Variants in KALRN observed in about 807,000 individuals in gnomAD.
The protein encoded by KALRN is kalirin.
A neutral mutation model predicts 353.7 loss-of-function variants in KALRN; 70 were observed. The ratio of observed to expected loss-of-function variants is 0.20; its 90% CI spans 0.16 to 0.24. The LOEUF (loss-of-function observed/expected upper bound fraction) is 0.24. Ranked by LOEUF, KALRN falls within the 10% of genes least tolerant of loss-of-function variation. The probability of loss-of-function intolerance (pLI) is 1.00; values close to 1 mark genes in which losing one functional copy is unlikely to be tolerated. For synonymous variants in KALRN, 1,391 were observed against 1,434.8 expected, an observed-to-expected ratio of 0.97 and a Z score of 0.69; for missense variants, 2,791 against 3,756.7, an observed-to-expected ratio of 0.74 and a Z score of 6.72.
In KALRN at chr3:124,413,579, G is replaced by A. The variant is rs2150268120; in HGVS notation, c.2456G>A (p.Arg819Gln). 7 of 1,614,060 alleles carry A rather than the reference G, an allele frequency of 4.3e-6. No individual in the cohort carries two copies. The highest frequency in any genetic ancestry group is 5.1e-6 in the Non-Finnish European group (6 of 1,180,000). The change falls in exon 14 of 60, where the codon CGG becomes CAG. Residue 819 changes from arginine to glutamine, a missense_variant. Arg to Gln is a conservative substitution (Grantham distance 43, BLOSUM62 1). Transcript: ENST00000682506. ...CAGCGGCTGCAGCGCCACACAGAACGGAAGCTAGCCATGAACAACATGACC... is the reference window on the plus strand; with the variant it reads ...CAGCGGCTGCAGCGCCACACAGAACAGAAGCTAGCCATGAACAACATGACC... Reference protein sequence around the residue: ...AEQRLQRHTERKLAMNNMTFE... With the variant: ...AEQRLQRHTEQKLAMNNMTFE...
chr3:124,112,162 G>A (rs1415353163), intron 1 of KALRN, among the ~76,000 whole-genome samples: 1 of 152,046 alleles, frequency 6.6e-6, no homozygotes, highest in African/African-American at 2.4e-5. Context: ...AATTAGTCAG[G>A]TGCAGTGGTG....
intron 33 of KALRN, among the ~76,000 whole-genome samples, chr3:124,514,394 C>A (rs1459985923): frequency 1.3e-5 from 2 of 152,120 alleles, no homozygotes; most frequent in African/African-American, 2.4e-5. Flanking sequence ...ACAGGCCTTT[C>A]CCTAAGAAGT....
intron 1 of KALRN, among the ~76,000 whole-genome samples, chr3:124,196,345 T>C (rs550143293): frequency 6.6e-6 from 1 of 152,196 alleles, no homozygotes; most frequent in Admixed American, 6.5e-5. Flanking sequence ...ACAGATAATA[T>C]AATAATAATG....
intron 1 of KALRN, among the ~76,000 whole-genome samples, chr3:124,119,302 C>G (rs1260020592): frequency 6.6e-6 from 1 of 152,158 alleles, no homozygotes; most frequent in African/African-American, 2.4e-5. Context: ...AGACTGTTCC[C>G]AATGTCTTCA....
intron 23 of KALRN, among the ~76,000 whole-genome samples, chr3:124,458,928 C>A (rs1240189729): frequency 6.6e-6 from 1 of 151,886 alleles, no homozygotes; most frequent in Non-Finnish European, 1.5e-5. Flanking sequence ...AGCAAGAATC[C>A]ATCTCAAAAT....
chr3:124,404,168 AAG>A, intron 13 of KALRN, among the ~76,000 whole-genome samples: 1 of 149,016 alleles, frequency 6.7e-6, no homozygotes. Flanking sequence ...AAAAAAAAAA[AAG>A]AGAGAACTAG....
chr3:124,468,883 T>C (rs1157213860), intron 25 of KALRN, among the ~76,000 whole-genome samples: 2 of 152,248 alleles, frequency 1.3e-5, no homozygotes, highest in African/African-American at 4.8e-5. Context: ...CTTGTTACTG[T>C]TGTTTGTGTT....
chr3:124,069,565 G>A (rs1219127124), intron 1 of KALRN, among the ~76,000 whole-genome samples: 7 of 152,196 alleles, frequency 4.6e-5, no homozygotes, highest in African/African-American at 1.7e-4. Context: ...ATTTTTAGGT[G>A]TATAGCACAA....
chr3:124,274,440 A>G (rs955361112), intron 5 of KALRN, among the ~76,000 whole-genome samples: 1 of 152,304 alleles, frequency 6.6e-6, no homozygotes, highest in Admixed American at 6.5e-5. Context: ...ATCTTTATCT[A>G]CTTCATTTCT....
chr3:124,496,609 A>G (rs1446910935), intron 33 of KALRN, among the ~76,000 whole-genome samples, 196 bp downstream of exon 33: 3 of 152,136 alleles, frequency 2.0e-5, no homozygotes, highest in African/African-American at 7.2e-5. Context: ...GAGGGGATGG[A>G]AGACTGCGGT....
At chr3:124,683,481 T>C (rs887180322) in intron 51 of KALRN, among the ~76,000 whole-genome samples, 1 of 152,040 alleles carries the variant, frequency 6.6e-6, no homozygotes, top group South Asian at 2.1e-4. Flanking sequence ...CAGGATGGGG[T>C]TGAAAGTCCT....
chr3:124,423,365 G>A (rs984346374), intron 15 of KALRN, among the ~76,000 whole-genome samples: 1 of 152,198 alleles, frequency 6.6e-6, no homozygotes, highest in African/African-American at 2.4e-5. Flanking sequence ...TTGGGGCACT[G>A]TGTGCCTGAC....
At chr3:124,608,171 C>T (rs370876364) in intron 34 of KALRN, among the ~76,000 whole-genome samples, 1 of 151,552 alleles carries the variant, frequency 6.6e-6, no homozygotes, top group Non-Finnish European at 1.5e-5. Context: ...TCACCGTGCC[C>T]GGCTAATTTT....
intron 33 of KALRN, among the ~76,000 whole-genome samples, chr3:124,506,569 G>A (rs2065256015): frequency 6.6e-6 from 1 of 152,172 alleles, no homozygotes; most frequent in Admixed American, 6.5e-5. Flanking sequence ...CATGACCGCT[G>A]CTGATCCTGG....
At chr3:124,555,618 G>GA (rs986774215) in intron 33 of KALRN, among the ~76,000 whole-genome samples, 1 of 150,870 alleles carries the variant, frequency 6.6e-6, no homozygotes. Flanking sequence ...AAGGGGCTGA[G>GA]AAAAAAAAAT....
At chr3:124,064,731 G>A (rs989983832) in intron 1 of KALRN, among the ~76,000 whole-genome samples, 15 of 152,184 alleles carry the variant, frequency 9.9e-5, no homozygotes, top group Admixed American at 2.0e-4. Context: ...TTGGTTTGGG[G>A]TTGGGAATCT....
Position 124,422,883 on chromosome 3 carries a change from G to A in KALRN, c.2614G>A (p.Glu872Lys). The A allele has an allele frequency of 6.2e-7, 1 of 1,613,914 alleles. No individual in the cohort carries two copies. The highest frequency in any genetic ancestry group is 1.1e-5 in the South Asian group (1 of 91,066). Residue 872 changes from glutamate to lysine, a missense_variant, in exon 15 of 60, where the codon GAG (glutamate) becomes AAG (lysine). Around this residue, in one of 11 missense-constraint regions of KALRN, gnomAD observed 452 missense variants for 575.8 expected, o/e 0.78. Transcript: ENST00000682506. ...QVQELLEFLH[E>K]KQHELELNAE... ...GCAAGAGTTATTGGAATTTCTCCAT[G>A]AGAAGCAGCATGAATTGGAGCTCAA...
At chr3:124,682,706 A>G (rs529899522) in intron 51 of KALRN, among the ~76,000 whole-genome samples, 1 of 152,288 alleles carries the variant, frequency 6.6e-6, no homozygotes, top group Non-Finnish European at 1.5e-5. Flanking sequence ...TGTTTTGGGG[A>G]GATATACAGG....
rs776366541 is a variant in KALRN, at chr3:124,268,899, C to T, written c.613C>T (p.Arg205Cys). 8.1e-6 allele frequency: 13 copies of T among 1,614,086 alleles called. No homozygotes were observed. The highest frequency in any genetic ancestry group is 1.0e-5 in the Non-Finnish European group (12 of 1,179,994). ...CAACAGCGCCGTGCACCTGCTCTCG[C>T]GCCTCGAGGACCTCCAGGAGATGCT... ...FFNSAVHLLSRLEDLQEMLAR... is the reference protein window; with the variant it reads ...FFNSAVHLLSCLEDLQEMLAR... The change falls in exon 5 of 60, where the codon CGC becomes TGC. Residue 205 changes from arginine (R) to cysteine (C), a missense_variant. Around this residue, in one of 11 missense-constraint regions of KALRN, gnomAD observed 366 missense variants for 489.2 expected, o/e 0.75. Transcript: ENST00000682506.
Sources: allele counts gnomAD v4.1 joint callset (sites outside exome capture counted in the v4.1 genomes callset), GRCh38; gene constraint gnomAD v4.1.1; regional missense constraint gnomAD v4.1.1; transcripts MANE v1.5; gene names NCBI Gene and HGNC (gene_info 2026-07-23, HGNC 2026-07-21).